ADAMTS16: variants seen among roughly 807,000 people sequenced by gnomAD.
ADAMTS16 encodes the protein A disintegrin and metalloproteinase with thrombospondin motifs 16.
In ADAMTS16, 94 loss-of-function variants were observed where a neutral mutation model predicts 145.8. The observed-to-expected ratio is 0.64, with a 90% CI of 0.55 to 0.77. The LOEUF (loss-of-function observed/expected upper bound fraction) is 0.77. ADAMTS16 is among the 30% of genes least tolerant of loss of function. The probability of loss-of-function intolerance (pLI) is 0.00; values close to 1 mark genes in which losing one functional copy is unlikely to be tolerated. For synonymous variants in ADAMTS16, 659 were observed against 604.3 expected, an observed-to-expected ratio of 1.09 and a Z score of -1.33; for missense variants, 1,585 against 1,591.5, an observed-to-expected ratio of 1.00 and a Z score of 0.07.
intron 17 of ADAMTS16, among the ~76,000 whole-genome samples, chr5:5,253,793 C>G (rs558905361): frequency 1.5e-4 from 23 of 152,340 alleles, no homozygotes; most frequent in African/African-American, 5.3e-4. Flanking sequence ...CTCCCTGCAG[C>G]CTTCGACAGC....
At chr5:5,312,445 G>GTTTTTTT (rs1168729392) in intron 21 of ADAMTS16, among the ~76,000 whole-genome samples, 1 of 126,878 alleles carries the variant, frequency 7.9e-6, no homozygotes, top group African/African-American at 3.0e-5. Context: ...TTTTGTTGTT[G>GTTTTTTT]TTATTTTTTT....
chr5:5,259,097 C>T (rs1176731404), intron 17 of ADAMTS16, among the ~76,000 whole-genome samples: 6 of 152,106 alleles, frequency 3.9e-5, no homozygotes, highest in Non-Finnish European at 2.9e-5. Context: ...AGAGATGGTC[C>T]ACTGCTATCT....
At chr5:5,190,627 A>G (rs1461706841) in intron 7 of ADAMTS16, among the ~76,000 whole-genome samples, 1 of 152,124 alleles carries the variant, frequency 6.6e-6, no homozygotes, top group East Asian at 1.9e-4. Context: ...GGTCTGTGTA[A>G]AACACTGTGC....
At chr5:5,246,594 C>G (rs1365503744) in intron 17 of ADAMTS16, among the ~76,000 whole-genome samples, 1 of 152,156 alleles carries the variant, frequency 6.6e-6, no homozygotes, top group Non-Finnish European at 1.5e-5. Context: ...TTAAAGCCAC[C>G]TGAGGAAATA....
chr5:5,205,586 A>G (rs1304784136), intron 9 of ADAMTS16, among the ~76,000 whole-genome samples: 1 of 152,228 alleles, frequency 6.6e-6, no homozygotes, highest in Middle Eastern at 3.2e-3. Context: ...GTTTCTCCAC[A>G]TTCTCATCAG....
chr5:5,200,317 C>T (rs16875038), intron 9 of ADAMTS16, 48 bp downstream of exon 9: 231,104 of 1,606,120 alleles, frequency 0.14, 18,504 homozygotes, highest in African/African-American at 0.3. Context: ...GCCTTTGATG[C>T]TCACTGCCTG....
chr5:5,299,488 T>C (rs1195816055), intron 18 of ADAMTS16, among the ~76,000 whole-genome samples: 1 of 148,896 alleles, frequency 6.7e-6, no homozygotes, highest in Non-Finnish European at 1.5e-5. Flanking sequence ...GAAAGCATTA[T>C]ATGCAAAAAC....
At chr5:5,199,717 C>T (rs1735904899) in intron 8 of ADAMTS16, among the ~76,000 whole-genome samples, 1 of 152,214 alleles carries the variant, frequency 6.6e-6, no homozygotes, top group Non-Finnish European at 1.5e-5. Flanking sequence ...TTTTCTGAGT[C>T]AACAATTCCT....
Position 5,212,312 on chromosome 5 carries a change from A to G in ADAMTS16, c.1605+3066A>G, listed in dbSNP as rs564353654. ...AAGCTCTGCCTCCCGGGTTCACGCC[A>G]TTCTCCTGCCTCAGCCTCCGGAGTA... On this transcript the variant is annotated intron_variant, in intron 10 of 22. Transcript: ENST00000274181. 2.0e-5 allele frequency among the ~76,000 whole-genome samples: 3 copies of G among 150,946 alleles called. No individual in the cohort carries two copies. The South Asian group carries it at 6.3e-4, about 32-fold the overall frequency.
chr5:5,200,489 G>T (rs1735926225), intron 9 of ADAMTS16, among the ~76,000 whole-genome samples: 1 of 152,184 alleles, frequency 6.6e-6, no homozygotes, highest in African/African-American at 2.4e-5. Flanking sequence ...GGGAATCAAT[G>T]ACTTGAGACT....
At chr5:5,177,688 T>C (rs776500291) in intron 3 of ADAMTS16, among the ~76,000 whole-genome samples, 2 of 152,214 alleles carry the variant, frequency 1.3e-5, no homozygotes, top group Non-Finnish European at 2.9e-5. Context: ...AATTATCTAG[T>C]GTTTCTGAAA....
rs1034824911 is a variant in ADAMTS16 at position 5,310,268 on chromosome 5, G to A, written c.3411+3540G>A. Among the ~76,000 whole-genome samples, 4 of 151,950 alleles carry A rather than the reference G, an allele frequency of 2.6e-5. No homozygotes were observed. Among genetic ancestry groups the A allele is most frequent in the South Asian group, 2.1e-4 (1 of 4,810 alleles). On this transcript the variant is annotated intron_variant, in intron 21 of 22. Coordinates refer to ENST00000274181, the MANE Select transcript of ADAMTS16 (RefSeq NM_139056.4). This position sits in a 1 kb window ranked among gnomAD's most constrained non-coding sequence, Gnocchi z 4.3. ...GCTCGTAGGACCCCACCCACACTGCGCAGCCCATCTCTCATCCTTCCTAGC... is the reference window on the plus strand; with the variant it reads ...GCTCGTAGGACCCCACCCACACTGCACAGCCCATCTCTCATCCTTCCTAGC...
Position 5,217,186 on chromosome 5 carries a change from A to G in ADAMTS16, c.1606-5603A>G, listed in dbSNP as rs899386156. On this transcript the variant is annotated intron_variant, in intron 10 of 22. Transcript: ENST00000274181. ...AAACTGGATCCCTTCCTTACACCTTATACAAAAATCAATTCAAGATGGATT... is the reference window on the plus strand; with the variant it reads ...AAACTGGATCCCTTCCTTACACCTTGTACAAAAATCAATTCAAGATGGATT... 7.9e-5 allele frequency among the ~76,000 whole-genome samples: 12 copies of G among 151,992 alleles called. 1 individual carries two copies. The highest frequency in any genetic ancestry group is 1.5e-4 in the Non-Finnish European group (10 of 68,018).
intron 3 of ADAMTS16, among the ~76,000 whole-genome samples, chr5:5,163,024 T>C (rs189678473): frequency 6.6e-6 from 1 of 152,094 alleles, no homozygotes; most frequent in Non-Finnish European, 1.5e-5. Context: ...TCGTGGAGAA[T>C]TTACAGGAAG....
At chr5:5,267,820 C>T (rs1285968065) in intron 18 of ADAMTS16, among the ~76,000 whole-genome samples, 4 of 152,212 alleles carry the variant, frequency 2.6e-5, no homozygotes, top group Non-Finnish European at 5.9e-5. Flanking sequence ...GAGTGGAGCC[C>T]TCACCAGGGA....
Position 5,320,172 on chromosome 5 carries a change from T to C in ADAMTS16, c.*1034T>C, listed in dbSNP as rs1734230290. The stretch of plus-strand genomic sequence containing the variant: ...TGTTAGGGTGGGAATCTGCCCGGCG[T>C]CTCTGGCACCCTCCCTGCCATCCTC... On this transcript the variant is annotated 3_prime_UTR_variant, in exon 23 of 23. Coordinates refer to ENST00000274181, the MANE Select transcript of ADAMTS16 (RefSeq NM_139056.4). This position sits in a 1 kb window ranked among gnomAD's most constrained non-coding sequence, Gnocchi z 5.1. 1 of 314,006 alleles carries C rather than the reference T, an allele frequency of 3.2e-6. No homozygotes were observed. Among genetic ancestry groups the C allele is most frequent in the African/African-American group, 2.3e-5 (1 of 43,532 alleles). The allele number at this position is 314,006 out of a possible 1,614,324, so 19.5% of individuals were successfully genotyped here.
intron 8 of ADAMTS16, among the ~76,000 whole-genome samples, chr5:5,196,187 G>A (rs186219864): frequency 2.4e-3 from 326 of 136,016 alleles, no homozygotes; most frequent in Middle Eastern, 0.01. Flanking sequence ...GCAGTGAGCC[G>A]AGATCACGCC....
intron 17 of ADAMTS16, among the ~76,000 whole-genome samples, chr5:5,244,887 T>C (rs1737394912): frequency 6.6e-6 from 1 of 152,180 alleles, no homozygotes; most frequent in Non-Finnish European, 1.5e-5. Flanking sequence ...GCTGATCTTC[T>C]TCAGTTCTGG....
At chr5:5,192,150 A>C (rs929460448) in intron 8 of ADAMTS16, among the ~76,000 whole-genome samples, 8 of 152,004 alleles carry the variant, frequency 5.3e-5, no homozygotes, top group African/African-American at 1.9e-4. Flanking sequence ...TGCTTGGCTA[A>C]TTTTTGTAAT....
Sources: gnomAD v4.1 joint callset for allele counts (sites outside exome capture counted in the v4.1 genomes callset) on GRCh38, gnomAD v4.1.1 for gene constraint, Gnocchi (gnomAD v3.1) non-coding constraint, MANE v1.5 for transcripts, NCBI Gene and HGNC (gene_info 2026-07-23, HGNC 2026-07-21) for gene names.